The following RBFOX2 variants were observed in gnomAD, a reference collection of about 807,000 sequenced individuals.
The protein encoded by RBFOX2 is RNA binding protein fox-1 homolog 2.
A neutral mutation model predicts 49.1 loss-of-function variants in RBFOX2; 10 were observed. The ratio of observed to expected loss-of-function variants is 0.20; its 90% CI spans 0.13 to 0.35. RBFOX2 has a LOEUF of 0.35. Among genes scored for constraint, RBFOX2 ranks in the 10% least tolerant of loss-of-function variants. The pLI is 1.00. For synonymous variants in RBFOX2, 183 were observed against 187.4 expected (o/e 0.98, Z 0.19); for missense variants, 323 against 486.9 (o/e 0.66, Z 3.17).
At chr22:35,825,010 A>G (rs934706394) in intron 1 of RBFOX2, among the ~76,000 whole-genome samples, 1 of 152,228 alleles carries the variant, frequency 6.6e-6, no homozygotes, top group Non-Finnish European at 1.5e-5. Context: ...ACATGAGGTC[A>G]GGAGTTCCAG....
At chr22:35,959,716 A>T (rs950445916) in intron 1 of RBFOX2, among the ~76,000 whole-genome samples, 4 of 152,190 alleles carry the variant, frequency 2.6e-5, no homozygotes, top group Admixed American at 1.3e-4. Context: ...ATCACCTGGG[A>T]ATAATCTAAA....
chr22:35,806,486 A>G lies in RBFOX2; in HGVS notation c.252+3294T>C, dbSNP rs530808422. On this transcript the variant is annotated intron_variant, in intron 2 of 11. Transcript: ENST00000405409. ...GACACACATGCATGTGCACACACAC[A>G]ACCATTAGTAATAAGTTGTGATAAG... Among the ~76,000 whole-genome samples, 5 of 152,306 alleles carry G rather than the reference A, an allele frequency of 3.3e-5. No individual in the cohort carries two copies. In the East Asian group the frequency reaches 9.6e-4, roughly 29 times the overall value.
rs1040504370 is a variant in RBFOX2 at position 35,814,758 on chromosome 22, C to G, written c.28-4754G>C. On this transcript the variant is annotated intron_variant, in intron 1 of 11. Transcript: ENST00000405409. ...AAAAGAAAAGAAAAGAAAAAAGTGT[C>G]AAGAAAAAAGAGTCTGGTCAGGCCA... 1.5e-4 allele frequency among the ~76,000 whole-genome samples: 19 copies of G among 130,216 alleles called. No individual in the cohort carries two copies. In the East Asian group the frequency reaches 4.3e-3, roughly 29 times the overall value. 85.4% of individuals were successfully genotyped at this position (130,216 alleles called of 152,430 possible). A position where few individuals can be genotyped will look rare whatever the true frequency, so the allele number is the denominator to read the frequency against.
chr22:35,821,225 TA>T (rs1243585152), intron 1 of RBFOX2, among the ~76,000 whole-genome samples: 1 of 152,238 alleles, frequency 6.6e-6, no homozygotes, highest in Non-Finnish European at 1.5e-5. Flanking sequence ...TTTTTCTTTT[TA>T]AATTTTATTT....
chr22:35,812,449 T>G (rs1952089474), intron 1 of RBFOX2, among the ~76,000 whole-genome samples: 1 of 152,212 alleles, frequency 6.6e-6, no homozygotes, highest in African/African-American at 2.4e-5. Context: ...TGACGAGAGA[T>G]ATAAAATAGT....
chr22:35,958,976 T>TA (rs61189642), intron 1 of RBFOX2, among the ~76,000 whole-genome samples: 11,881 of 151,494 alleles, frequency 0.078, 490 homozygotes, highest in African/African-American at 0.091. Context: ...TATATATATA[T>TA]TGTGTAAAGC....
chr22:35,781,321 C>T (rs897906783), intron 3 of RBFOX2, among the ~76,000 whole-genome samples: 1 of 152,156 alleles, frequency 6.6e-6, no homozygotes, highest in Non-Finnish European at 1.5e-5. Context: ...GGTGACCATC[C>T]TGGTTTCAGC....
At chr22:36,025,674 T>C (rs912128183) in intron 1 of RBFOX2, among the ~76,000 whole-genome samples, 1 of 152,164 alleles carries the variant, frequency 6.6e-6, no homozygotes, top group Non-Finnish European at 1.5e-5. Flanking sequence ...CCCATTTGTC[T>C]CCCCACATAG....
At chr22:35,879,589 G>A (rs992111778) in intron 1 of RBFOX2, among the ~76,000 whole-genome samples, 1 of 152,204 alleles carries the variant, frequency 6.6e-6, no homozygotes, top group Admixed American at 6.5e-5. Context: ...GGCCTAAGTA[G>A]CTGTGAGAAA....
At chr22:35,816,159 AT>A (rs1952986899) in intron 1 of RBFOX2, among the ~76,000 whole-genome samples, 1 of 152,232 alleles carries the variant, frequency 6.6e-6, no homozygotes, top group African/African-American at 2.4e-5. Context: ...AACAATGCTC[AT>A]TTGCAAGACT....
intron 1 of RBFOX2, among the ~76,000 whole-genome samples, chr22:35,968,218 T>C (rs1279358194): frequency 6.6e-6 from 1 of 152,114 alleles, no homozygotes; most frequent in Non-Finnish European, 1.5e-5. Context: ...GGAAGGTCAA[T>C]CCAGGATGAA....
chr22:35,870,233 G>A (rs2044196818), intron 1 of RBFOX2, among the ~76,000 whole-genome samples: 1 of 152,198 alleles, frequency 6.6e-6, no homozygotes, highest in African/African-American at 2.4e-5. Flanking sequence ...TCATGGTTGG[G>A]CACGGTGGCT....
chr22:35,955,121 C>T (rs1329040485), intron 1 of RBFOX2, among the ~76,000 whole-genome samples: 1 of 152,166 alleles, frequency 6.6e-6, no homozygotes. Flanking sequence ...GGTCAAGATC[C>T]ATTCATGACT....
chr22:35,823,709 C>T (rs1037865741), intron 1 of RBFOX2, among the ~76,000 whole-genome samples: 13 of 151,908 alleles, frequency 8.6e-5, no homozygotes, highest in East Asian at 5.8e-4. Context: ...TTTAAGAACT[C>T]GAAGATTTAT....
At chr22:35,764,878 A>G (rs182179375) in intron 6 of RBFOX2, among the ~76,000 whole-genome samples, 168 of 152,268 alleles carry the variant, frequency 1.1e-3, no homozygotes, top group African/African-American at 3.9e-3. Flanking sequence ...AATGAGAAAA[A>G]CTTATAAACC....
chr22:35,899,003 A>C (rs1345834461), intron 1 of RBFOX2, among the ~76,000 whole-genome samples: 1 of 152,020 alleles, frequency 6.6e-6, no homozygotes, highest in Non-Finnish European at 1.5e-5. Flanking sequence ...CTGTAATCCC[A>C]GCTACTCAGG....
At chr22:36,025,506 T>C (rs1009462589) in intron 1 of RBFOX2, among the ~76,000 whole-genome samples, 1 of 152,198 alleles carries the variant, frequency 6.6e-6, no homozygotes, top group African/African-American at 2.4e-5. Context: ...GGGTTTTTTG[T>C]TGTTGTTGTT....
At chr22:35,975,699 G>A (rs1053871340) in intron 1 of RBFOX2, among the ~76,000 whole-genome samples, 1 of 151,164 alleles carries the variant, frequency 6.6e-6, no homozygotes, top group African/African-American at 2.4e-5. Context: ...TTTCCCTTTT[G>A]ATGTCAGGAA....
chr22:35,927,199 T>TA (rs1697520663), intron 1 of RBFOX2, among the ~76,000 whole-genome samples: 1 of 152,226 alleles, frequency 6.6e-6, no homozygotes, highest in South Asian at 2.1e-4. Flanking sequence ...ACAAGGATCT[T>TA]AATGGATACT....
Sources: allele counts gnomAD v4.1 joint callset (sites outside exome capture counted in the v4.1 genomes callset), GRCh38; gene constraint gnomAD v4.1.1; transcripts MANE v1.5; gene names NCBI Gene and HGNC (gene_info 2026-07-23, HGNC 2026-07-21).